The following PPP1R16B variants were observed in gnomAD, a reference collection of about 807,000 sequenced individuals.
PPP1R16B encodes the protein protein phosphatase 1 regulatory inhibitor subunit 16B.
In PPP1R16B, 14 loss-of-function variants were observed where a neutral mutation model predicts 61.7. The ratio of observed to expected loss-of-function variants is 0.23; its 90% CI spans 0.15 to 0.35. The LOEUF (loss-of-function observed/expected upper bound fraction) is 0.35. PPP1R16B is among the 10% of genes least tolerant of loss of function. The pLI, the probability that PPP1R16B is intolerant of heterozygous loss-of-function variation, is 1.00. For synonymous variants in PPP1R16B, 266 were observed against 305.3 expected, an observed-to-expected ratio of 0.87 and a Z score of 1.34; for missense variants, 547 against 752.5, an observed-to-expected ratio of 0.73 and a Z score of 3.19.
intron 2 of PPP1R16B, among the ~76,000 whole-genome samples, chr20:38,853,217 A>G (rs2084981455): frequency 6.6e-6 from 1 of 152,196 alleles, no homozygotes; most frequent in Non-Finnish European, 1.5e-5. Flanking sequence ...CTGGGGTTTG[A>G]AAAACAGGAA....
chr20:38,815,197 T>C (rs1461091225), intron 1 of PPP1R16B, among the ~76,000 whole-genome samples: 3 of 152,256 alleles, frequency 2.0e-5, no homozygotes, highest in Non-Finnish European at 4.4e-5. Flanking sequence ...AAATGTTTTA[T>C]GTATTTTTCC....
At chr20:38,878,915 T>C (rs1473230902) in intron 2 of PPP1R16B, among the ~76,000 whole-genome samples, 2 of 152,116 alleles carry the variant, frequency 1.3e-5, no homozygotes, top group African/African-American at 2.4e-5. Flanking sequence ...AGATGGGTTT[T>C]AGAGAGCAAG....
intron 2 of PPP1R16B, among the ~76,000 whole-genome samples, chr20:38,855,436 G>A (rs184894191): frequency 6.1e-4 from 93 of 151,786 alleles, no homozygotes; most frequent in Non-Finnish European, 1.0e-4. Flanking sequence ...TGTCAAGGAG[G>A]CATGGTGGCC....
chr20:38,822,410 A>G (rs775658775), intron 1 of PPP1R16B, among the ~76,000 whole-genome samples: 1 of 151,286 alleles, frequency 6.6e-6, no homozygotes, highest in Non-Finnish European at 1.5e-5. Flanking sequence ...CATTAAAAAC[A>G]CGAAAGTTAT....
In PPP1R16B at chr20:38,919,272, T is replaced by C. The variant is rs1272398490; in HGVS notation, c.*606T>C. On this transcript the variant is annotated 3_prime_UTR_variant, in exon 11 of 11. Coordinates refer to ENST00000299824, the MANE Select transcript of PPP1R16B (RefSeq NM_015568.4). The stretch of plus-strand genomic sequence containing the variant: ...TGACAGGGGTGAGAAGTCCTCGCTG[T>C]GTTCAGAGGGAGCCAGGAATCTACA... The C allele has an allele frequency of 6.6e-6, 1 of 152,638 alleles. No individual in the cohort carries two copies. The highest frequency in any genetic ancestry group is 1.5e-5 in the Non-Finnish European group (1 of 68,102). 9.5% of individuals were successfully genotyped at this position (152,638 alleles called of 1,614,324 possible).
intron 1 of PPP1R16B, among the ~76,000 whole-genome samples, chr20:38,811,385 A>T (rs1333187187): frequency 6.6e-6 from 1 of 152,166 alleles, no homozygotes; most frequent in African/African-American, 2.4e-5. Context: ...CACTTCCTTG[A>T]ACCTTAATTT....
chr20:38,905,417 T>C lies in PPP1R16B; in HGVS notation c.697-552T>C, dbSNP rs1174602049. Among the ~76,000 whole-genome samples the C allele has an allele frequency of 2.0e-5, 3 of 152,212 alleles. No individual in the cohort carries two copies. In the East Asian group the frequency reaches 5.8e-4, roughly 29 times the overall value. On this transcript the variant is annotated intron_variant, in intron 6 of 10. Coordinates refer to ENST00000299824, the MANE Select transcript of PPP1R16B (RefSeq NM_015568.4). ...CCTCTTTAGGACCTCTCCTTGAGGCTTCTTGAGGATCCTCACAACATAGTG... is the reference window on the plus strand; with the variant it reads ...CCTCTTTAGGACCTCTCCTTGAGGCCTCTTGAGGATCCTCACAACATAGTG...
At chr20:38,902,398 G>T (rs1474663405) in intron 5 of PPP1R16B, among the ~76,000 whole-genome samples, 2 of 152,194 alleles carry the variant, frequency 1.3e-5, no homozygotes, top group Admixed American at 1.3e-4. Context: ...TAGGTGGATG[G>T]TAAGGACTTT....
At chr20:38,889,732 G>C (rs367949141) in intron 3 of PPP1R16B, 67 bp downstream of exon 3, 1 of 1,461,668 alleles carries the variant, frequency 6.8e-7, no homozygotes, top group Non-Finnish European at 9.6e-7. Context: ...CCTGTTTCTC[G>C]GCACTTTCCT....
intron 2 of PPP1R16B, among the ~76,000 whole-genome samples, chr20:38,883,478 T>A (rs2085218038): frequency 1.3e-5 from 2 of 152,218 alleles, no homozygotes. Context: ...TGGCCCAGAT[T>A]CCAGCCAGAT....
In PPP1R16B at chr20:38,907,780, C is replaced by T. The variant is rs781769947; in HGVS notation, c.899-26C>T. On this transcript the variant is annotated intron_variant, in intron 8 of 10. Coordinates refer to ENST00000299824, the MANE Select transcript of PPP1R16B (RefSeq NM_015568.4). This position sits in a 1 kb window ranked among gnomAD's most constrained non-coding sequence, Gnocchi z 4.5. ...CGCCACAGGTCCTGGCCCCGTCCCC[C>T]ACAACAGACTCCTCTGCCCCTTCAG... is the stretch of plus-strand genomic sequence containing the variant. 2.9e-5 allele frequency: 46 copies of T among 1,613,318 alleles called. 1 individual carries two copies. Among genetic ancestry groups the T allele is most frequent in the Non-Finnish European group, 3.4e-5 (40 of 1,179,784 alleles).
At chr20:38,909,609 C>G (rs188910912) in intron 10 of PPP1R16B, among the ~76,000 whole-genome samples, 5 of 152,180 alleles carry the variant, frequency 3.3e-5, no homozygotes, top group Non-Finnish European at 7.3e-5. Flanking sequence ...CACTACACCA[C>G]GAACAGATGA....
intron 2 of PPP1R16B, among the ~76,000 whole-genome samples, chr20:38,863,599 G>A (rs963020024): frequency 1.3e-5 from 2 of 152,112 alleles, no homozygotes; most frequent in Non-Finnish European, 2.9e-5. Flanking sequence ...TGGGCCAGTC[G>A]CTTTGCCTAT....
intron 2 of PPP1R16B, among the ~76,000 whole-genome samples, chr20:38,863,752 A>T (rs1011797545): frequency 2.6e-5 from 4 of 152,242 alleles, no homozygotes; most frequent in African/African-American, 9.6e-5. Flanking sequence ...GTTAATTCCC[A>T]TCTTTTCTGC....
rs2085604058 is a variant in PPP1R16B, at chr20:38,922,119, G to A, written c.*3453G>A. The A allele has an allele frequency of 6.6e-6, 1 of 152,208 alleles. No individual in the cohort carries two copies. 9.4% of individuals were successfully genotyped at this position (152,208 alleles called of 1,614,324 possible). A position where few individuals can be genotyped will look rare whatever the true frequency, so the allele number is the denominator to read the frequency against. The stretch of plus-strand genomic sequence containing the variant: ...GCTTGGGGAAGCTGAATAAACTCTA[G>A]GCCCAGGGCTACTAAAGACTTCAGG... On this transcript the variant is annotated 3_prime_UTR_variant, in exon 11 of 11. Transcript: ENST00000299824.
chr20:38,873,228 TG>T (rs1853686728), intron 2 of PPP1R16B, among the ~76,000 whole-genome samples: 1 of 152,008 alleles, frequency 6.6e-6, no homozygotes, highest in African/African-American at 2.4e-5. Context: ...TAGTCAGCTG[TG>T]GGGTTCAGCA....
chr20:38,833,454 C>T (rs1280728447), intron 1 of PPP1R16B, among the ~76,000 whole-genome samples: 3 of 152,308 alleles, frequency 2.0e-5, no homozygotes, highest in East Asian at 1.9e-4. Context: ...GGTTGTATCA[C>T]GTCAGGTTTC....
intron 3 of PPP1R16B, among the ~76,000 whole-genome samples, chr20:38,894,013 G>T (rs994725320): frequency 6.6e-6 from 1 of 152,100 alleles, no homozygotes; most frequent in Admixed American, 6.5e-5. Context: ...CTGCTGCGTG[G>T]TTCTCCCGCC....
chr20:38,836,559 T>G (rs1479548834), intron 2 of PPP1R16B, among the ~76,000 whole-genome samples: 2 of 152,248 alleles, frequency 1.3e-5, no homozygotes, highest in African/African-American at 2.4e-5. Flanking sequence ...GGTCTCATTC[T>G]GTTGCCCTGG....
Sources: gnomAD v4.1 joint callset for allele counts (sites outside exome capture counted in the v4.1 genomes callset) on GRCh38, gnomAD v4.1.1 for gene constraint, Gnocchi (gnomAD v3.1) non-coding constraint, MANE v1.5 for transcripts, NCBI Gene and HGNC (gene_info 2026-07-23, HGNC 2026-07-21) for gene names.